CALCR: variants seen among roughly 807,000 people sequenced by gnomAD.
The protein encoded by CALCR is calcitonin receptor.
Under a neutral mutation model 59.5 loss-of-function variants are expected in CALCR, and 47 were observed. That is an observed-to-expected ratio of 0.79 (90% CI 0.63 to 1.01). The LOEUF (loss-of-function observed/expected upper bound fraction) is 1.01. Among genes scored for constraint, CALCR ranks in the 50% least tolerant of loss-of-function variants. CALCR has a pLI of 0.00. For synonymous variants in CALCR, 213 were observed against 211.3 expected (o/e 1.01, Z -0.07); for missense variants, 566 against 597.1 (o/e 0.95, Z 0.54).
chr7:93,446,095 G>A (rs1417273083), intron 8 of CALCR, among the ~76,000 whole-genome samples: 2 of 151,842 alleles, frequency 1.3e-5, no homozygotes, highest in African/African-American at 4.8e-5. Context: ...ATTGATTTGG[G>A]GGTTACAAAC....
chr7:93,522,035 A>C (rs1801775468), intron 2 of CALCR, among the ~76,000 whole-genome samples: 1 of 152,180 alleles, frequency 6.6e-6, no homozygotes, highest in Non-Finnish European at 1.5e-5. Flanking sequence ...TAGTTCAAAG[A>C]TAACTTCCAT....
intron 2 of CALCR, among the ~76,000 whole-genome samples, chr7:93,519,723 T>C (rs895908801): frequency 1.3e-5 from 2 of 151,904 alleles, no homozygotes; most frequent in African/African-American, 4.8e-5. Flanking sequence ...TGGTGGGAGG[T>C]GATTAAATCA....
intron 13 of CALCR, among the ~76,000 whole-genome samples, chr7:93,429,937 T>TG (rs796770679): frequency 0.022 from 2,445 of 110,190 alleles, 126 homozygotes; most frequent in African/African-American, 0.078. Flanking sequence ...TTTGTTTGTT[T>TG]TTTTGTTTTT....
In CALCR at chr7:93,472,834, A is replaced by G. The variant is rs530884116; in HGVS notation, c.317-347T>C. On this transcript the variant is annotated intron_variant, in intron 5 of 13. Transcript: ENST00000426151. Reference sequence around the variant, plus strand: ...CAAAGTGCTACCTATACTCTACCTCATAATTTTTTAACAGACATTAAACTT... The same window carrying G: ...CAAAGTGCTACCTATACTCTACCTCGTAATTTTTTAACAGACATTAAACTT... Among the ~76,000 whole-genome samples the G allele has an allele frequency of 1.3e-5, 2 of 151,936 alleles. 1 individual carries two copies. The highest frequency in any genetic ancestry group is 4.1e-4 in the South Asian group (2 of 4,820).
At chr7:93,553,972 G>A (rs1473427754) in intron 2 of CALCR, among the ~76,000 whole-genome samples, 1 of 152,146 alleles carries the variant, frequency 6.6e-6, no homozygotes, top group Non-Finnish European at 1.5e-5. Flanking sequence ...TCAAAGCAGA[G>A]ATCTAGAGCA....
intron 2 of CALCR, among the ~76,000 whole-genome samples, chr7:93,534,366 A>G (rs1387715653): frequency 3.3e-5 from 5 of 151,830 alleles, no homozygotes; most frequent in Non-Finnish European, 7.4e-5. Flanking sequence ...GTAAAGTAGG[A>G]GAGCCTGCTC....
At chr7:93,433,365 A>C (rs1466061134) in intron 13 of CALCR, among the ~76,000 whole-genome samples, 1 of 152,238 alleles carries the variant, frequency 6.6e-6, no homozygotes, top group Non-Finnish European at 1.5e-5. Context: ...TTTGGCATTA[A>C]AAGTTGTGTG....
At chr7:93,550,598 A>AACACACACACACATACACAC (rs1789427883) in intron 2 of CALCR, among the ~76,000 whole-genome samples, 1 of 121,850 alleles carries the variant, frequency 8.2e-6, no homozygotes, top group African/African-American at 2.9e-5. Context: ...ATTTGGGCTA[A>AACACACACACACATACACAC]ACACACACAC....
intron 8 of CALCR, among the ~76,000 whole-genome samples, chr7:93,460,597 A>ATATATATGTG (rs1554397850): frequency 7.5e-6 from 1 of 133,794 alleles, no homozygotes; most frequent in African/African-American, 3.0e-5. Context: ...ATATATGTAT[A>ATATATATGTG]TATATATATA....
chr7:93,483,751 G>A (rs1331348024), intron 3 of CALCR, among the ~76,000 whole-genome samples: 3 of 151,526 alleles, frequency 2.0e-5, no homozygotes, highest in African/African-American at 7.3e-5. Context: ...TAAGTGTTAT[G>A]TCTATACTAC....
chr7:93,444,296 G>C (rs996829548), intron 8 of CALCR, among the ~76,000 whole-genome samples: 1 of 152,050 alleles, frequency 6.6e-6, no homozygotes, highest in Non-Finnish European at 1.5e-5. Context: ...GCCTTGGTTT[G>C]TATATTGGGA....
intron 2 of CALCR, among the ~76,000 whole-genome samples, chr7:93,541,941 T>G (rs991266963): frequency 3.3e-5 from 5 of 151,994 alleles, no homozygotes; most frequent in Non-Finnish European, 5.9e-5. Flanking sequence ...TAGTAGCTGG[T>G]TTTTTTTGGA....
chr7:93,494,634 A>G (rs918872241), intron 2 of CALCR, among the ~76,000 whole-genome samples: 1 of 151,444 alleles, frequency 6.6e-6, no homozygotes, highest in Non-Finnish European at 1.5e-5. Flanking sequence ...TAGTCAGAAA[A>G]GTTGCACTGC....
At chr7:93,570,617 A>T (rs1159282129) in intron 2 of CALCR, among the ~76,000 whole-genome samples, 1 of 152,158 alleles carries the variant, frequency 6.6e-6, no homozygotes, top group Non-Finnish European at 1.5e-5. Context: ...TGCTATTTTT[A>T]AAAAATAAAC....
chr7:93,553,482 C>CTTT (rs35990717), intron 2 of CALCR, among the ~76,000 whole-genome samples: 12,134 of 148,154 alleles, frequency 0.082, 525 homozygotes, highest in Middle Eastern at 0.09. Flanking sequence ...AAAACTTACC[C>CTTT]TTTTTTTTTT....
intron 8 of CALCR, among the ~76,000 whole-genome samples, chr7:93,459,979 G>A (rs2115800658): frequency 6.6e-6 from 1 of 152,200 alleles, no homozygotes; most frequent in South Asian, 2.1e-4. Flanking sequence ...CATTTCCTGT[G>A]TCATTATAAA....
chr7:93,429,289 A>G (rs1799598239), intron 13 of CALCR, among the ~76,000 whole-genome samples: 1 of 152,232 alleles, frequency 6.6e-6, no homozygotes, highest in African/African-American at 2.4e-5. Flanking sequence ...GATGACAAGA[A>G]TAAGGGCATT....
chr7:93,532,283 T>G (rs903240321), intron 2 of CALCR, among the ~76,000 whole-genome samples: 1 of 152,060 alleles, frequency 6.6e-6, no homozygotes. Context: ...TATCTGGTGT[T>G]GAAAGGTTTA....
At chr7:93,455,249 T>C (rs915290959) in intron 8 of CALCR, among the ~76,000 whole-genome samples, 73 of 152,088 alleles carry the variant, frequency 4.8e-4, no homozygotes, top group African/African-American at 1.6e-3. Flanking sequence ...AGAAAACATA[T>C]GCCCGAATTA....
Sources: gnomAD v4.1 joint callset for allele counts (sites outside exome capture counted in the v4.1 genomes callset) on GRCh38, gnomAD v4.1.1 for gene constraint, MANE v1.5 for transcripts, NCBI Gene and HGNC (gene_info 2026-07-23, HGNC 2026-07-21) for gene names.